The following KCNH7 variants were observed in gnomAD, a reference collection of about 807,000 sequenced individuals.
The protein encoded by KCNH7 is potassium voltage-gated channel subfamily H member 7.
KCNH7 carries 49 observed loss-of-function variants against 120.8 expected under a neutral mutation model. The observed-to-expected ratio is 0.41, with a 90% CI of 0.32 to 0.51. The LOEUF (loss-of-function observed/expected upper bound fraction) is 0.51, where lower values mean the gene tolerates loss of function less well. Among genes scored for constraint, KCNH7 ranks in the 20% least tolerant of loss-of-function variants. The probability of loss-of-function intolerance (pLI) is 0.38; values close to 1 mark genes in which losing one functional copy is unlikely to be tolerated. For missense variants in KCNH7, 1,097 were observed against 1,446.6 expected, an observed-to-expected ratio of 0.76 and a Z score of 3.92; for synonymous variants, 547 against 516.1, an observed-to-expected ratio of 1.06 and a Z score of -0.81.
intron 2 of KCNH7, among the ~76,000 whole-genome samples, chr2:162,558,928 G>A (rs560584557): frequency 2.6e-5 from 4 of 151,184 alleles, no homozygotes; most frequent in Admixed American, 2.0e-4. Flanking sequence ...TGTGGCAGGC[G>A]CCTGTAGTCC....
chr2:162,413,651 A>C (rs1156884449), intron 9 of KCNH7, among the ~76,000 whole-genome samples: 2 of 152,136 alleles, frequency 1.3e-5, no homozygotes, highest in Non-Finnish European at 2.9e-5. Flanking sequence ...TTTCTTTCTA[A>C]TCATATACCA....
chr2:162,718,728 A>G (rs1314013448), intron 2 of KCNH7, among the ~76,000 whole-genome samples: 1 of 152,020 alleles, frequency 6.6e-6, no homozygotes, highest in African/African-American at 2.4e-5. Context: ...GTATCAATCC[A>G]TGTTTATAGT....
chr2:162,537,746 C>A (rs544447909), intron 2 of KCNH7, among the ~76,000 whole-genome samples: 11 of 152,086 alleles, frequency 7.2e-5, no homozygotes, highest in Non-Finnish European at 1.3e-4. Flanking sequence ...CTTCTAAAAG[C>A]AAAATTACAG....
chr2:162,726,171 T>G (rs1687510354), intron 2 of KCNH7, among the ~76,000 whole-genome samples: 1 of 152,124 alleles, frequency 6.6e-6, no homozygotes, highest in Admixed American at 6.5e-5. Flanking sequence ...CCTACCTCTA[T>G]TTTTCTTTCT....
chr2:162,483,412 TC>T (rs1221463450), intron 6 of KCNH7, among the ~76,000 whole-genome samples: 3 of 152,176 alleles, frequency 2.0e-5, no homozygotes, highest in Non-Finnish European at 2.9e-5. Context: ...GAAACAGATT[TC>T]AATTTCACAT....
intron 2 of KCNH7, among the ~76,000 whole-genome samples, chr2:162,639,579 A>G (rs955138450): frequency 3.9e-5 from 6 of 152,124 alleles, no homozygotes; most frequent in Non-Finnish European, 8.8e-5. Flanking sequence ...AAGCATTAAA[A>G]TAGCTGACAT....
chr2:162,715,464 A>T (rs1278022098), intron 2 of KCNH7, among the ~76,000 whole-genome samples: 1 of 152,150 alleles, frequency 6.6e-6, no homozygotes, highest in Non-Finnish European at 1.5e-5. Context: ...TATCCAAACT[A>T]TATCAGTTGG....
chr2:162,787,962 T>A (rs1683774310), intron 2 of KCNH7, among the ~76,000 whole-genome samples: 1 of 152,192 alleles, frequency 6.6e-6, no homozygotes, highest in Non-Finnish European at 1.5e-5. Context: ...CCTAGACTCT[T>A]TGGAAAGGCT....
intron 2 of KCNH7, chr2:162,771,950 G>A (rs1452539852): frequency 6.6e-6 from 1 of 152,182 alleles, no homozygotes; most frequent in Non-Finnish European, 1.5e-5. Context: ...GCATGAGAGT[G>A]AGGTATTTAT....
At chr2:162,567,201 C>T (rs1272374223) in intron 2 of KCNH7, among the ~76,000 whole-genome samples, 3 of 151,928 alleles carry the variant, frequency 2.0e-5, no homozygotes, top group African/African-American at 4.8e-5. Flanking sequence ...GATATTCCAA[C>T]ATAACTCTTT....
At chr2:162,664,110 C>T (rs2105283620) in intron 2 of KCNH7, among the ~76,000 whole-genome samples, 1 of 152,172 alleles carries the variant, frequency 6.6e-6, no homozygotes, top group South Asian at 2.1e-4. Context: ...TTTCTCTTTC[C>T]ATGTCATTCC....
At chr2:162,652,332 A>G (rs1236314659) in intron 2 of KCNH7, among the ~76,000 whole-genome samples, 7 of 152,186 alleles carry the variant, frequency 4.6e-5, no homozygotes, top group Admixed American at 4.6e-4. Flanking sequence ...TGATGATTAC[A>G]TGAGATATTT....
chr2:162,394,270 C>T, intron 12 of KCNH7, 119 bp downstream of exon 12: 2 of 678,422 alleles, frequency 2.9e-6, no homozygotes. Flanking sequence ...AGCAAAGGAT[C>T]TGCCCTCCTA....
intron 7 of KCNH7, among the ~76,000 whole-genome samples, chr2:162,437,990 A>G (rs1237593605): frequency 1.3e-5 from 2 of 152,090 alleles, no homozygotes; most frequent in East Asian, 3.9e-4. Context: ...TCAGCTTCCT[A>G]TGTTTATTTT....
chr2:162,708,365 G>T (rs917695560), intron 2 of KCNH7, among the ~76,000 whole-genome samples: 1 of 151,974 alleles, frequency 6.6e-6, no homozygotes, highest in African/African-American at 2.4e-5. Context: ...ATGAGGTAGG[G>T]ACTAGAGAAA....
intron 2 of KCNH7, among the ~76,000 whole-genome samples, chr2:162,578,495 G>A (rs979747601): frequency 2.6e-5 from 4 of 151,970 alleles, no homozygotes; most frequent in African/African-American, 7.2e-5. Flanking sequence ...CTAAGCTTTG[G>A]GCTCACTGTT....
At chr2:162,666,359 G>GC (rs763468154) in intron 2 of KCNH7, among the ~76,000 whole-genome samples, 36 of 140,994 alleles carry the variant, frequency 2.6e-4, no homozygotes, top group Non-Finnish European at 5.3e-4. Context: ...AATAAATTCT[G>GC]CCCCCCGCCC....
intron 12 of KCNH7, among the ~76,000 whole-genome samples, chr2:162,393,234 C>T (rs1327169252): frequency 6.6e-6 from 1 of 151,816 alleles, no homozygotes; most frequent in Non-Finnish European, 1.5e-5. Context: ...CCAGGGTGCA[C>T]CATGAGTTCA....
intron 15 of KCNH7, among the ~76,000 whole-genome samples, chr2:162,373,219 TA>T (rs199565037): frequency 5.9e-5 from 9 of 151,986 alleles, no homozygotes; most frequent in African/African-American, 1.7e-4. Flanking sequence ...GTTTTCCTTT[TA>T]AAAAAAATGC....
Sources: gnomAD v4.1 joint callset for allele counts (sites outside exome capture counted in the v4.1 genomes callset) on GRCh38, gnomAD v4.1.1 for gene constraint, MANE v1.5 for transcripts, NCBI Gene and HGNC (gene_info 2026-07-23, HGNC 2026-07-21) for gene names.